CACNA1C: variants seen among roughly 807,000 people sequenced by gnomAD.
CACNA1C encodes calcium voltage-gated channel subunit alpha1 C.
In CACNA1C, 30 loss-of-function variants were observed where a neutral mutation model predicts 229.0. The observed-to-expected ratio is 0.13, with a 90% confidence interval of 0.10 to 0.18. CACNA1C has a LOEUF of 0.18. Among genes scored for constraint, CACNA1C ranks in the 10% least tolerant of loss-of-function variants. The pLI is 1.00. For missense variants in CACNA1C, 1,658 were observed against 2,845.0 expected (o/e 0.58, Z 9.49); for synonymous variants, 1,114 against 1,132.5 (o/e 0.98, Z 0.33).
At chr12:2,587,132 C>G (rs113808360) in intron 18 of CACNA1C, among the ~76,000 whole-genome samples, 2,003 of 152,132 alleles carry the variant, frequency 0.013, 50 homozygotes, top group African/African-American at 0.046. Flanking sequence ...TTTTGTAGTT[C>G]TGTTTTTAAA....
At chr12:2,211,866 C>G (rs1212946565) in intron 3 of CACNA1C, among the ~76,000 whole-genome samples, 1 of 151,874 alleles carries the variant, frequency 6.6e-6, no homozygotes, top group Admixed American at 6.6e-5. Context: ...CTCCAGGCGC[C>G]CACCACCACT....
intron 1 of CACNA1C, among the ~76,000 whole-genome samples, chr12:2,027,514 A>T (rs1364738714): frequency 6.6e-6 from 1 of 152,188 alleles, no homozygotes; most frequent in Non-Finnish European, 1.5e-5. Flanking sequence ...CCTCTGAGTT[A>T]TGGGGAGCTG....
chr12:2,301,913 G>A (rs1198729261), intron 3 of CACNA1C, among the ~76,000 whole-genome samples: 1 of 152,206 alleles, frequency 6.6e-6, no homozygotes, highest in African/African-American at 2.4e-5. Flanking sequence ...AGACTCGTGG[G>A]CAGGCTTTGC....
chr12:2,177,717 A>G (rs1280617925), intron 3 of CACNA1C, among the ~76,000 whole-genome samples: 1 of 151,540 alleles, frequency 6.6e-6, no homozygotes, highest in African/African-American at 2.4e-5. Context: ...GCTCACTGCA[A>G]CCTGCGCCTC....
chr12:2,122,041 G>A (rs1322935974), intron 3 of CACNA1C, among the ~76,000 whole-genome samples: 1 of 152,194 alleles, frequency 6.6e-6, no homozygotes, highest in Non-Finnish European at 1.5e-5. Flanking sequence ...TTGGCTTGCT[G>A]AGCTAGAGGG....
chr12:2,278,162 G>A (rs2089662569), intron 3 of CACNA1C, among the ~76,000 whole-genome samples: 1 of 152,158 alleles, frequency 6.6e-6, no homozygotes, highest in South Asian at 2.1e-4. Flanking sequence ...TTTCATATCT[G>A]CCATTTATTT....
At chr12:2,155,467 T>C (rs2095510281) in intron 3 of CACNA1C, among the ~76,000 whole-genome samples, 1 of 152,242 alleles carries the variant, frequency 6.6e-6, no homozygotes, top group South Asian at 2.1e-4. Flanking sequence ...CCGTACATAA[T>C]GAGTTTTTAT....
chr12:2,553,256 C>T (rs983594976), intron 10 of CACNA1C, among the ~76,000 whole-genome samples: 6 of 152,132 alleles, frequency 3.9e-5, no homozygotes, highest in Admixed American at 2.0e-4. Context: ...CCACCTGCAG[C>T]GGTGCAAGAT....
At chr12:2,351,595 G>A (rs528850841) in intron 3 of CACNA1C, among the ~76,000 whole-genome samples, 4 of 152,320 alleles carry the variant, frequency 2.6e-5, no homozygotes, top group South Asian at 2.1e-4. Context: ...GGTCCAGGGC[G>A]TGGCTGGCAG....
chr12:2,025,414 G>T (rs1454662979), intron 1 of CACNA1C, among the ~76,000 whole-genome samples: 2 of 152,118 alleles, frequency 1.3e-5, no homozygotes, highest in East Asian at 3.9e-4. Context: ...CTCTAGAGGT[G>T]AATGTGGTGG....
At chr12:2,307,736 A>C (rs1038224314) in intron 3 of CACNA1C, among the ~76,000 whole-genome samples, 1 of 152,148 alleles carries the variant, frequency 6.6e-6, no homozygotes, top group African/African-American at 2.4e-5. Context: ...TTGAATTTGC[A>C]TGGTCTGTTT....
intron 1 of CACNA1C, among the ~76,000 whole-genome samples, chr12:2,069,191 T>G (rs1191238066): frequency 6.6e-6 from 1 of 152,186 alleles, no homozygotes; most frequent in Non-Finnish European, 1.5e-5. Flanking sequence ...TGCAATCCCA[T>G]GCGTCCTTGG....
At chr12:2,518,037 A>G (rs1278363221) in intron 9 of CACNA1C, among the ~76,000 whole-genome samples, 3 of 152,252 alleles carry the variant, frequency 2.0e-5, no homozygotes, top group Non-Finnish European at 4.4e-5. Context: ...TTGAATTTCC[A>G]TGCAGATAAG....
intron 11 of CACNA1C, among the ~76,000 whole-genome samples, chr12:2,561,995 G>A (rs1052819010): frequency 1.3e-5 from 2 of 152,174 alleles, no homozygotes; most frequent in African/African-American, 4.8e-5. Flanking sequence ...GAAACCAGTT[G>A]TCAAGCAAAG....
chr12:2,489,117 T>C (rs921022138), intron 6 of CACNA1C, among the ~76,000 whole-genome samples: 1 of 152,164 alleles, frequency 6.6e-6, no homozygotes, highest in African/African-American at 2.4e-5. Flanking sequence ...TCTTTCTTTC[T>C]TTCTTTTTTT....
At chr12:2,257,150 G>A (rs563506336) in intron 3 of CACNA1C, among the ~76,000 whole-genome samples, 6 of 152,306 alleles carry the variant, frequency 3.9e-5, no homozygotes, top group African/African-American at 1.4e-4. Flanking sequence ...GAACACAGTT[G>A]TTTGTAATGG....
At chr12:2,142,434 G>A (rs2094328706) in intron 3 of CACNA1C, among the ~76,000 whole-genome samples, 2 of 151,266 alleles carry the variant, frequency 1.3e-5, no homozygotes. Flanking sequence ...GTACTGTACA[G>A]TACACAATAC....
chr12:2,059,087 C>T (rs768609425), intron 1 of CACNA1C, among the ~76,000 whole-genome samples: 5 of 152,128 alleles, frequency 3.3e-5, no homozygotes, highest in Non-Finnish European at 4.4e-5. Flanking sequence ...GCAGGACCCG[C>T]GCAGGTCCCT....
At chr12:2,246,408 T>C (rs57587598) in intron 3 of CACNA1C, among the ~76,000 whole-genome samples, 4,119 of 152,016 alleles carry the variant, frequency 0.027, 193 homozygotes, top group African/African-American at 0.094. Context: ...GCTCCCGGAG[T>C]GAACAGGATC....
Sources: gnomAD v4.1 joint callset for allele counts (sites outside exome capture counted in the v4.1 genomes callset) on GRCh38, gnomAD v4.1.1 for gene constraint, MANE v1.5 for transcripts, NCBI Gene and HGNC (gene_info 2026-07-23, HGNC 2026-07-21) for gene names.